The following ATXN1 variants were observed in gnomAD, a reference collection of about 807,000 sequenced individuals.
The protein encoded by ATXN1 is ataxin 1.
In ATXN1, 8 loss-of-function variants were observed where a neutral mutation model predicts 56.4. That is an observed-to-expected ratio of 0.14 (90% CI 0.08 to 0.26). ATXN1 has a LOEUF of 0.26. ATXN1 is among the 10% of genes least tolerant of loss of function. The pLI, the probability that ATXN1 is intolerant of heterozygous loss-of-function variation, is 1.00. For missense variants in ATXN1, 987 were observed against 1,106.5 expected, an observed-to-expected ratio of 0.89 and a Z score of 1.53; for synonymous variants, 514 against 494.6, an observed-to-expected ratio of 1.04 and a Z score of -0.52.
intron 6 of ATXN1, among the ~76,000 whole-genome samples, chr6:16,375,827 T>C (rs971211595): frequency 3.3e-5 from 5 of 152,264 alleles, no homozygotes; most frequent in Admixed American, 1.3e-4. Context: ...GAAAGGCCTA[T>C]GGCCAAGGTG....
intron 6 of ATXN1, among the ~76,000 whole-genome samples, chr6:16,411,266 A>G (rs1411946170): frequency 1.3e-5 from 2 of 152,124 alleles, no homozygotes; most frequent in African/African-American, 4.8e-5. Flanking sequence ...ATAATTAATA[A>G]TAATAATAAC....
intron 2 of ATXN1, among the ~76,000 whole-genome samples, chr6:16,660,957 G>C (rs1394387866): frequency 6.7e-6 from 1 of 148,578 alleles, no homozygotes; most frequent in East Asian, 2.0e-4. Context: ...TCCTGCCTCA[G>C]GCTCCCAAGT....
At chr6:16,703,913 G>C (rs1759347838) in intron 2 of ATXN1, among the ~76,000 whole-genome samples, 2 of 152,214 alleles carry the variant, frequency 1.3e-5, no homozygotes, top group Admixed American at 1.3e-4. Context: ...CAGCTACCCG[G>C]GAGCCTGAGC....
At chr6:16,639,624 TTTC>T (rs71677734) in intron 3 of ATXN1, among the ~76,000 whole-genome samples, 29,606 of 152,160 alleles carry the variant, frequency 0.19, 3,377 homozygotes, top group East Asian at 0.47. Flanking sequence ...CCTGGGTTTC[TTTC>T]TTAAGGCTTT....
intron 2 of ATXN1, among the ~76,000 whole-genome samples, chr6:16,679,691 A>C (rs1020315172): frequency 3.3e-5 from 5 of 152,230 alleles, no homozygotes; most frequent in African/African-American, 1.2e-4. Context: ...AACTCAATGG[A>C]AGAACACATG....
At chr6:16,603,535 C>A (rs147659532) in intron 3 of ATXN1, among the ~76,000 whole-genome samples, 1 of 152,282 alleles carries the variant, frequency 6.6e-6, no homozygotes, top group Admixed American at 6.5e-5. Context: ...GGTTTTAAGA[C>A]GAGCAGGTGA....
At chr6:16,713,035 G>A (rs1759560113) in intron 2 of ATXN1, among the ~76,000 whole-genome samples, 1 of 152,166 alleles carries the variant, frequency 6.6e-6, no homozygotes, top group Non-Finnish European at 1.5e-5. Context: ...CTCATAATAA[G>A]CATAGTTGAT....
In ATXN1 at chr6:16,723,145, G is replaced by T. The variant is rs561054890; in HGVS notation, c.-615+30088C>A. Among the ~76,000 whole-genome samples the T allele has an allele frequency of 1.5e-3, 232 of 152,256 alleles. 2 individuals carry two copies. Among genetic ancestry groups the T allele is most frequent in the Middle Eastern group, 0.014 (4 of 294 alleles). On this transcript the variant is annotated intron_variant, in intron 2 of 7. Transcript: ENST00000436367. ...CTACTAAGGATTAAAAGTCACTGCCGTGATTTATAAGCTATTTCAACTAAA... is the reference window on the plus strand; with the variant it reads ...CTACTAAGGATTAAAAGTCACTGCCTTGATTTATAAGCTATTTCAACTAAA...
intron 3 of ATXN1, among the ~76,000 whole-genome samples, chr6:16,656,814 A>C (rs1431614429): frequency 6.6e-6 from 1 of 152,024 alleles, no homozygotes; most frequent in Admixed American, 6.6e-5. Flanking sequence ...GGTACACCCT[A>C]CTACACGCCT....
intron 5 of ATXN1, among the ~76,000 whole-genome samples, chr6:16,490,019 C>G (rs189943060): frequency 1.8e-4 from 27 of 151,606 alleles, no homozygotes; most frequent in Non-Finnish European, 3.7e-4. Context: ...TTAAATGTTT[C>G]TGTCAATTAC....
At position 16,327,603 on chromosome 6, in the gene ATXN1, CG is replaced by C; in HGVS notation, c.707del (p.Pro236ArgfsTer41). The stretch of plus-strand genomic sequence containing the variant: ...TCTGCTGGGCTGGTGGGGGGGACCC[CG>C]GGGTGATGAGCCCCGGAGCCCTGCT... ...HLSRAPGLIT[P>X]GSPPPAQQNQ... On this transcript the variant is annotated frameshift_variant, in exon 7 of 8. Coordinates refer to ENST00000436367, the MANE Select transcript of ATXN1 (RefSeq NM_001128164.2). LOFTEE classifies it high-confidence loss of function. The C allele has an allele frequency of 6.3e-7, 1 of 1,592,176 alleles. No homozygotes were observed.
At chr6:16,481,296 C>G (rs1760434288) in intron 6 of ATXN1, among the ~76,000 whole-genome samples, 1 of 151,920 alleles carries the variant, frequency 6.6e-6, no homozygotes, top group African/African-American at 2.4e-5. Flanking sequence ...TTTTGTAACG[C>G]TGGAGAATTT....
At chr6:16,717,869 T>C (rs1759670287) in intron 2 of ATXN1, among the ~76,000 whole-genome samples, 1 of 152,252 alleles carries the variant, frequency 6.6e-6, no homozygotes, top group Non-Finnish European at 1.5e-5. Flanking sequence ...ACACGCCACT[T>C]CTGGCTCTAC....
intron 6 of ATXN1, among the ~76,000 whole-genome samples, chr6:16,390,590 G>C (rs942088711): frequency 1.3e-5 from 2 of 151,828 alleles, no homozygotes; most frequent in Non-Finnish European, 2.9e-5. Context: ...TCTATCTCTA[G>C]CGTCATATCT....
intron 4 of ATXN1, among the ~76,000 whole-genome samples, chr6:16,545,680 A>G (rs144420539): frequency 1.3e-5 from 2 of 152,330 alleles, no homozygotes; most frequent in African/African-American, 4.8e-5. Context: ...TCAGTTTCAA[A>G]ATAGGACCTA....
At chr6:16,748,593 A>C (rs143093747) in intron 2 of ATXN1, among the ~76,000 whole-genome samples, 298 of 152,356 alleles carry the variant, frequency 2.0e-3, no homozygotes, top group Non-Finnish European at 3.3e-3. Context: ...TCAATAAGTT[A>C]ATATGCAGAA....
chr6:16,752,730 G>A (rs1373822518), intron 2 of ATXN1, among the ~76,000 whole-genome samples: 1 of 152,096 alleles, frequency 6.6e-6, no homozygotes, highest in Non-Finnish European at 1.5e-5. Context: ...GACTCTCCAG[G>A]CCAGAAAAAC....
intron 2 of ATXN1, among the ~76,000 whole-genome samples, chr6:16,702,683 A>G (rs1239078842): frequency 1.3e-5 from 2 of 152,236 alleles, no homozygotes; most frequent in African/African-American, 4.8e-5. Flanking sequence ...AAGGATATGA[A>G]TAGACACTTC....
intron 3 of ATXN1, among the ~76,000 whole-genome samples, chr6:16,588,895 C>A (rs1199800365): frequency 6.6e-6 from 1 of 152,178 alleles, no homozygotes; most frequent in Non-Finnish European, 1.5e-5. Context: ...CGTTTTCCAG[C>A]ACACAGAGTA....
Sources: gnomAD v4.1 joint callset for allele counts (sites outside exome capture counted in the v4.1 genomes callset) on GRCh38, gnomAD v4.1.1 for gene constraint, MANE v1.5 for transcripts, NCBI Gene and HGNC (gene_info 2026-07-23, HGNC 2026-07-21) for gene names.